Variants in TBC1D12 observed in about 807,000 individuals in gnomAD.
The protein encoded by TBC1D12 is TBC1 domain family, member 12.
Under a neutral mutation model 86.7 loss-of-function variants are expected in TBC1D12, and 56 were observed. The observed-to-expected ratio is 0.65, with a 90% CI of 0.52 to 0.81. The LOEUF (loss-of-function observed/expected upper bound fraction) is 0.81. TBC1D12 is among the 30% of genes least tolerant of loss of function. The pLI is 0.00. For missense variants in TBC1D12, 1,023 were observed against 1,038.8 expected (o/e 0.98, Z 0.21); for synonymous variants, 421 against 411.7 (o/e 1.02, Z -0.27).
chr10:94,440,537 T>C (rs2055365481), intron 1 of TBC1D12, among the ~76,000 whole-genome samples: 1 of 152,198 alleles, frequency 6.6e-6, no homozygotes, highest in Non-Finnish European at 1.5e-5. Flanking sequence ...ACATTTTTCA[T>C]TAAAAACTTA....
At chr10:94,484,691 A>G (rs904785963) in intron 3 of TBC1D12, among the ~76,000 whole-genome samples, 4 of 151,682 alleles carry the variant, frequency 2.6e-5, no homozygotes, top group African/African-American at 9.7e-5. Flanking sequence ...TTAGGGTATT[A>G]TGGACATTTT....
intron 11 of TBC1D12, among the ~76,000 whole-genome samples, chr10:94,527,432 T>G (rs2134233070): frequency 6.6e-6 from 1 of 151,396 alleles, no homozygotes; most frequent in South Asian, 2.1e-4. Context: ...TTTAAGTTCC[T>G]CATAGATTTT....
In TBC1D12 at chr10:94,403,022, G is replaced by A; in HGVS notation, c.409G>A (p.Asp137Asn). 1 of 1,572,486 alleles carries A rather than the reference G, an allele frequency of 6.4e-7. No homozygotes were observed. The highest frequency in any genetic ancestry group is 8.6e-7 in the Non-Finnish European group (1 of 1,163,588). The change falls in exon 1 of 13, where the codon GAC becomes AAC. Residue 137 changes from aspartate to asparagine, a missense_variant. By Grantham distance (23) the Asp-to-Asn change is conservative. Around this residue, in one of 2 missense-constraint regions of TBC1D12, gnomAD observed 628 missense variants for 531.1 expected, o/e 1.18. Transcript: ENST00000225235. ...GCGGCACGAAGGCATGACCAACGGC[G>A]ACTCGGGTTTTCTGCCGGGCCGGGA... ...APRHEGMTNGDSGFLPGRDCR... is the reference protein window; with the variant it reads ...APRHEGMTNGNSGFLPGRDCR...
chr10:94,463,521 A>G (rs1207111139), intron 2 of TBC1D12, among the ~76,000 whole-genome samples: 2 of 152,234 alleles, frequency 1.3e-5, no homozygotes, highest in Non-Finnish European at 2.9e-5. Context: ...TCATGAGGGC[A>G]GAGCCCTCCT....
At position 94,516,574 on chromosome 10, in the gene TBC1D12, C is replaced by G. The variant is rs1042561620; in HGVS notation, c.1761+4920C>G. Among the ~76,000 whole-genome samples, 8 of 128,482 alleles carry G rather than the reference C, an allele frequency of 6.2e-5. No individual in the cohort carries two copies. In the South Asian group the frequency reaches 1.5e-3, roughly 24 times the overall value. The allele number at this position is 128,482 out of a possible 152,430, so 84.3% of individuals were successfully genotyped here. A position where few individuals can be genotyped will look rare whatever the true frequency, so the allele number is the denominator to read the frequency against. ...TAATGCTATCCCTCCCCCCTCCCCC[C>G]ACCCCATGACAGGCCCCCGTGTGTG... On this transcript the variant is annotated intron_variant, in intron 9 of 12. Coordinates refer to ENST00000225235, the MANE Select transcript of TBC1D12 (RefSeq NM_015188.2).
chr10:94,451,267 A>G (rs949779913), intron 2 of TBC1D12, among the ~76,000 whole-genome samples: 1 of 152,150 alleles, frequency 6.6e-6, no homozygotes, highest in African/African-American at 2.4e-5. Context: ...CATTATATGT[A>G]TCAAAACATC....
chr10:94,497,862 G>C (rs1262721774), intron 5 of TBC1D12, among the ~76,000 whole-genome samples: 1 of 120,848 alleles, frequency 8.3e-6, no homozygotes, highest in African/African-American at 3.1e-5. Context: ...TCGCTCTGTT[G>C]CCCAGGCTAG....
intron 2 of TBC1D12, among the ~76,000 whole-genome samples, chr10:94,452,207 C>T (rs1000668966): frequency 6.6e-6 from 1 of 151,870 alleles, no homozygotes. Flanking sequence ...ACTCCTGTCC[C>T]CACATACACA....
intron 11 of TBC1D12, among the ~76,000 whole-genome samples, chr10:94,524,077 G>C (rs1842223788): frequency 1.3e-5 from 2 of 152,110 alleles, no homozygotes; most frequent in Admixed American, 1.3e-4. Flanking sequence ...GTCATATTAA[G>C]ACTAATGATA....
intron 11 of TBC1D12, among the ~76,000 whole-genome samples, chr10:94,525,113 A>C (rs1842253018): frequency 6.6e-6 from 1 of 152,200 alleles, no homozygotes; most frequent in African/African-American, 2.4e-5. Flanking sequence ...TTATAAAGTT[A>C]ACTACAACAT....
intron 1 of TBC1D12, among the ~76,000 whole-genome samples, chr10:94,424,415 C>T (rs1223232426): frequency 6.6e-6 from 1 of 152,112 alleles, no homozygotes; most frequent in African/African-American, 2.4e-5. Flanking sequence ...GTTGTAATGG[C>T]TTATCTGTCA....
intron 1 of TBC1D12, among the ~76,000 whole-genome samples, chr10:94,404,630 G>A (rs1214112558): frequency 1.4e-5 from 2 of 145,944 alleles, no homozygotes; most frequent in African/African-American, 5.1e-5. Context: ...TGGGGGACAA[G>A]AGCGAAACTC....
intron 4 of TBC1D12, among the ~76,000 whole-genome samples, chr10:94,494,437 G>C (rs141613147): frequency 6.6e-6 from 1 of 152,116 alleles, no homozygotes; most frequent in African/African-American, 2.4e-5. Context: ...GATATATAAG[G>C]CTAGTTATAT....
intron 3 of TBC1D12, among the ~76,000 whole-genome samples, chr10:94,488,245 G>A (rs1467302276): frequency 3.3e-5 from 5 of 151,558 alleles, no homozygotes; most frequent in African/African-American, 1.2e-4. Context: ...AAAATTAGCC[G>A]GGTATGGTGG....
At chr10:94,465,666 ATATATGTGTG>A (rs1190428447) in intron 2 of TBC1D12, among the ~76,000 whole-genome samples, 2 of 88,664 alleles carry the variant, frequency 2.3e-5, no homozygotes, top group Non-Finnish European at 5.2e-5. Context: ...ATATATATAT[ATATATGTGTG>A]TGTGTGTGTG....
chr10:94,448,649 T>C (rs1034723641), intron 2 of TBC1D12, among the ~76,000 whole-genome samples: 5 of 152,118 alleles, frequency 3.3e-5, no homozygotes, highest in Non-Finnish European at 7.4e-5. Flanking sequence ...GCTAATTTTT[T>C]TATATTTTTA....
chr10:94,485,974 T>C (rs887346640), intron 3 of TBC1D12, among the ~76,000 whole-genome samples: 1 of 152,072 alleles, frequency 6.6e-6, no homozygotes, highest in African/African-American at 2.4e-5. Context: ...CTTTTTCATC[T>C]CTGATTTTAC....
At chr10:94,414,538 T>C (rs2134053868) in intron 1 of TBC1D12, among the ~76,000 whole-genome samples, 1 of 152,132 alleles carries the variant, frequency 6.6e-6, no homozygotes, top group Non-Finnish European at 1.5e-5. Flanking sequence ...CTTGTATATC[T>C]CTCCTTAACT....
intron 11 of TBC1D12, among the ~76,000 whole-genome samples, chr10:94,529,477 G>A (rs1441244264): frequency 2.6e-5 from 4 of 152,178 alleles, no homozygotes; most frequent in Non-Finnish European, 5.9e-5. Context: ...AATTAGCCGG[G>A]CGTGGTGGTC....
Sources: gnomAD v4.1 joint callset for allele counts (sites outside exome capture counted in the v4.1 genomes callset) on GRCh38, gnomAD v4.1.1 for gene constraint, gnomAD v4.1.1 regional missense constraint, MANE v1.5 for transcripts, NCBI Gene and HGNC (gene_info 2026-07-23, HGNC 2026-07-21) for gene names.